DDHD2: variants seen among roughly 807,000 people sequenced by gnomAD.
DDHD2 encodes the protein DDHD domain containing 2, also known as triacylglycerol hydrolase DDHD2.
In DDHD2, 62 loss-of-function variants were observed where a neutral mutation model predicts 91.2. That is an observed-to-expected ratio of 0.68 (90% CI 0.55 to 0.84). DDHD2 has a LOEUF of 0.84. DDHD2 is among the 40% of genes least tolerant of loss of function. The probability of loss-of-function intolerance (pLI) is 0.00; values close to 1 mark genes in which losing one functional copy is unlikely to be tolerated. For synonymous variants in DDHD2, 271 were observed against 293.9 expected, an observed-to-expected ratio of 0.92 and a Z score of 0.80; for missense variants, 740 against 846.9, an observed-to-expected ratio of 0.87 and a Z score of 1.57.
At chr8:38,236,101 C>G (rs1804719501) in intron 3 of DDHD2, among the ~76,000 whole-genome samples, 1 of 151,648 alleles carries the variant, frequency 6.6e-6, no homozygotes, top group South Asian at 2.1e-4. Context: ...CAAGCTCTGC[C>G]TCCTGGGTTC....
At chr8:38,236,557 C>G (rs535053683) in intron 3 of DDHD2, among the ~76,000 whole-genome samples, 1 of 151,652 alleles carries the variant, frequency 6.6e-6, no homozygotes, top group South Asian at 2.1e-4. Flanking sequence ...CTCTTGTTTC[C>G]CAGGCTGTAG....
At chr8:38,237,157 C>G (rs1388562117) in intron 3 of DDHD2, among the ~76,000 whole-genome samples, 1 of 151,910 alleles carries the variant, frequency 6.6e-6, no homozygotes, top group East Asian at 1.9e-4. Context: ...AGGCAGATCA[C>G]CTGAGGTCAG....
chr8:38,255,345 A>C (rs747342285), intron 16 of DDHD2: 1 of 509,776 alleles, frequency 2.0e-6, no homozygotes. Flanking sequence ...GGGCTAAAAT[A>C]ATGCTAAGAA....
At chr8:38,253,428 A>C in intron 15 of DDHD2, 128 bp from the exon 16 acceptor site, 1 of 851,664 alleles carries the variant, frequency 1.2e-6, no homozygotes, top group East Asian at 2.6e-5. Flanking sequence ...GAGGAGGAAG[A>C]TGGGAGAGAG....
intron 1 of DDHD2, chr8:38,267,928 A>G (rs767174535): frequency 6.2e-7 from 1 of 1,613,996 alleles, no homozygotes; most frequent in Non-Finnish European, 8.5e-7. Context: ...GTGTTGGTAA[A>G]GACGCCATTC....
rs759350464 is a variant in DDHD2 at position 38,234,466 on chromosome 8, G to A, written c.293G>A (p.Arg98Gln). The change falls in exon 3 of 18, where the codon CGG (arginine) becomes CAG (glutamine). Residue 98 changes from arginine (R) to glutamine (Q), a missense_variant. By Grantham distance (43) the Arg-to-Gln change is conservative. Transcript: ENST00000397166. ...RYDVHLGERM[R>Q]YAVYWDELAS... ...GATGTTCATTTGGGGGAGAGGATGCGGTATGCTGTATACTGGGATGAACTG... is the reference window on the plus strand; with the variant it reads ...GATGTTCATTTGGGGGAGAGGATGCAGTATGCTGTATACTGGGATGAACTG... The A allele has an allele frequency of 4.3e-6, 7 of 1,612,654 alleles. No individual in the cohort carries two copies. Among genetic ancestry groups the A allele is most frequent in the South Asian group, 1.1e-5 (1 of 90,718 alleles).
chr8:38,237,579 G>A lies in DDHD2; in HGVS notation c.453G>A (p.Lys151=), dbSNP rs1036771106. The A allele has an allele frequency of 5.6e-6, 9 of 1,597,766 alleles. No homozygotes were observed. The highest frequency in any genetic ancestry group is 7.7e-6 in the Non-Finnish European group (9 of 1,172,022). ...MLAVTLDEWK[K]KLESPNREII... Reference sequence around the variant, plus strand: ...CTGTAACTTTGGATGAATGGAAAAAGAAACTGGAATCTCCCAACAGAGAAA... The same window carrying A: ...CTGTAACTTTGGATGAATGGAAAAAAAAACTGGAATCTCCCAACAGAGAAA... The change falls in exon 4 of 18, where the codon AAG becomes AAA. Residue 151 remains lysine, a synonymous_variant. Coordinates refer to ENST00000397166, the MANE Select transcript of DDHD2 (RefSeq NM_015214.3).
At chr8:38,245,646 G>A in intron 7 of DDHD2, 96 bp from the exon 8 acceptor site, 3 of 1,120,426 alleles carry the variant, frequency 2.7e-6, no homozygotes, top group Non-Finnish European at 1.3e-6. Context: ...ATCGACAATT[G>A]TTTGTTATAA....
chr8:38,270,195 A>G (rs186317728), intron 1 of DDHD2: 1 of 152,370 alleles, frequency 6.6e-6, no homozygotes, highest in East Asian at 1.9e-4. Flanking sequence ...GACTTTAGTG[A>G]ATATTGATGC....
chr8:38,233,093 T>C lies in DDHD2; in HGVS notation c.99T>C (p.Ala33=), dbSNP rs1804420997. The part of the protein sequence containing the change: ...CSSFELIDMD[A]GSLYEPVSPH... ...CCTTTGAGCTAATAGACATGGATGCTGGCAGCTTGTATGAACCAGTTTCTC... is the reference window on the plus strand; with the variant it reads ...CCTTTGAGCTAATAGACATGGATGCCGGCAGCTTGTATGAACCAGTTTCTC... The change falls in exon 2 of 18, where the codon GCT becomes GCC. Residue 33 remains alanine (A), a synonymous_variant. Coordinates refer to ENST00000397166, the MANE Select transcript of DDHD2 (RefSeq NM_015214.3). The C allele has an allele frequency of 5.0e-6, 8 of 1,614,202 alleles. No homozygotes were observed. Among genetic ancestry groups the C allele is most frequent in the East Asian group, 2.2e-5 (1 of 44,886 alleles).
intron 16 of DDHD2, among the ~76,000 whole-genome samples, chr8:38,257,165 C>T (rs577528067): frequency 1.3e-5 from 2 of 150,978 alleles, no homozygotes; most frequent in African/African-American, 4.9e-5. Context: ...AACTCCTGGG[C>T]TCCAGTGATC....
chr8:38,263,681 G>A (rs1807211811), downstream of DDHD2: 1 of 985,170 alleles, frequency 1.0e-6, no homozygotes, highest in Non-Finnish European at 1.2e-6. Flanking sequence ...ATTGTCATCA[G>A]AGAAGGTAAA....
downstream of DDHD2, chr8:38,266,849 C>T (rs889985681): frequency 4.4e-6 from 1 of 227,580 alleles, no homozygotes; most frequent in South Asian, 8.6e-5. Context: ...TATGTATCAA[C>T]TTGTTGATGC....
intron 10 of DDHD2, among the ~76,000 whole-genome samples, chr8:38,248,061 A>G (rs1196196790): frequency 2.0e-5 from 3 of 152,234 alleles, no homozygotes; most frequent in African/African-American, 7.2e-5. Flanking sequence ...GAGCAGACTA[A>G]CCAGTACGGC....
chr8:38,272,000 A>T (rs779831106), downstream of DDHD2: 2 of 152,162 alleles, frequency 1.3e-5, no homozygotes, highest in South Asian at 4.1e-4. Flanking sequence ...TCTGGGTTTG[A>T]CCTATTGGAA....
downstream of DDHD2, chr8:38,264,353 C>G: frequency 1.9e-6 from 2 of 1,043,084 alleles, no homozygotes; most frequent in South Asian, 3.8e-5. Context: ...GTTGGCCAGG[C>G]TGGTCCTGAC....
intron 1 of DDHD2, chr8:38,268,119 C>T (rs999420825): frequency 2.9e-5 from 42 of 1,450,888 alleles, no homozygotes; most frequent in Non-Finnish European, 3.7e-5. Context: ...TCTTTTGTAG[C>T]CGAGAACTTT....
At chr8:38,246,733 T>C (rs1805663910) in intron 9 of DDHD2, 1 of 169,174 alleles carries the variant, frequency 5.9e-6, no homozygotes, top group South Asian at 1.6e-4. Flanking sequence ...TCCCAGCTAC[T>C]TGGGAGGCTG....
At chr8:38,268,043 G>T in intron 1 of DDHD2, 2 of 1,601,512 alleles carry the variant, frequency 1.2e-6, no homozygotes, top group Non-Finnish European at 8.5e-7. Flanking sequence ...CAGCCGTGCT[G>T]TTTCTGAGAT....
Sources: gnomAD v4.1 joint callset for allele counts (sites outside exome capture counted in the v4.1 genomes callset) on GRCh38, gnomAD v4.1.1 for gene constraint, MANE v1.5 for transcripts, NCBI Gene and HGNC (gene_info 2026-07-23, HGNC 2026-07-21) for gene names.